Variants in TOLLIP observed in about 807,000 individuals in gnomAD.
The protein encoded by TOLLIP is toll-interacting protein.
Under a neutral mutation model 33.5 loss-of-function variants are expected in TOLLIP, and 16 were observed. The observed-to-expected ratio is 0.48, with a 90% CI of 0.32 to 0.72. The LOEUF is 0.72. TOLLIP is among the 30% of genes least tolerant of loss of function. The pLI is 0.03. For missense variants in TOLLIP, 325 were observed against 396.6 expected (o/e 0.82, Z 1.53); for synonymous variants, 176 against 163.7 (o/e 1.07, Z -0.57).
intron 1 of TOLLIP, 118 bp from the exon 2 acceptor site, chr11:1,295,912 T>C (rs1864100332): frequency 7.7e-7 from 1 of 1,291,158 alleles, no homozygotes; most frequent in Non-Finnish European, 1.0e-6. Flanking sequence ...TATCAAGTCC[T>C]GGACTGTGCT....
Position 1,303,830 on chromosome 11 carries a change from G to A in TOLLIP, c.33+5636C>T, listed in dbSNP as rs987905951. Among the ~76,000 whole-genome samples the A allele has an allele frequency of 2.6e-5, 4 of 152,322 alleles. No homozygotes were observed. Among genetic ancestry groups the A allele is most frequent in the African/African-American group, 9.6e-5 (4 of 41,574 alleles). On this transcript the variant is annotated intron_variant, in intron 1 of 5. Coordinates refer to ENST00000317204, the MANE Select transcript of TOLLIP (RefSeq NM_019009.4). The surrounding 1 kb of genome is among the most constrained non-coding windows in gnomAD (Gnocchi z 4.2). ...GTGGGCGGATCACTTGAGACCAGGA[G>A]TTCGAGAACAGCCTGGCCAACATGG...
intron 4 of TOLLIP, 115 bp downstream of exon 4, chr11:1,288,509 G>C: frequency 7.6e-7 from 1 of 1,319,504 alleles, no homozygotes; most frequent in Non-Finnish European, 1.0e-6. Flanking sequence ...GAGCCCTGCT[G>C]TTTTATGGGC....
intron 1 of TOLLIP, among the ~76,000 whole-genome samples, chr11:1,307,487 C>A (rs1179427640): frequency 6.6e-6 from 1 of 152,242 alleles, no homozygotes; most frequent in Admixed American, 6.5e-5. Context: ...GCCTGCTCAG[C>A]ACCTGATGCA....
rs569777034 is a variant in TOLLIP at position 1,290,438 on chromosome 11, A to C, written c.184-29T>G. The C allele has an allele frequency of 6.2e-7, 1 of 1,605,786 alleles. No individual in the cohort carries two copies. Among genetic ancestry groups the C allele is most frequent in the African/African-American group, 1.3e-5 (1 of 74,926 alleles). ...GAATGAAGCCAATGTCAGGAAAAGG[A>C]GGTGCCAACCATCAGGAGAGGGTGG... On this transcript the variant is annotated intron_variant, in intron 2 of 5. Coordinates refer to ENST00000317204, the MANE Select transcript of TOLLIP (RefSeq NM_019009.4). This position sits in a 1 kb window ranked among gnomAD's most constrained non-coding sequence, Gnocchi z 4.9.
chr11:1,293,570 G>A (rs1255360895), intron 2 of TOLLIP, among the ~76,000 whole-genome samples: 3 of 152,270 alleles, frequency 2.0e-5, no homozygotes, highest in Non-Finnish European at 4.4e-5. Flanking sequence ...CTGGCCCAGT[G>A]AGGAGGCAGG....
chr11:1,309,399 CT>C lies in TOLLIP; in HGVS notation c.33+66del, dbSNP rs929303958. On this transcript the variant is annotated intron_variant, in intron 1 of 5. Transcript: ENST00000317204. ...CGCCAGCCGCAGCTGAGCAGTAGCC[CT>C]GACCCAAGGCCCCGCCCGCAACCGC... 2.4e-5 allele frequency: 23 copies of C among 962,608 alleles called. No homozygotes were observed. In the Admixed American group the frequency reaches 4.0e-4, roughly 17 times the overall value. The allele number at this position is 962,608 out of a possible 1,614,324, so 59.6% of individuals were successfully genotyped here. A position where few individuals can be genotyped will look rare whatever the true frequency, so the allele number is the denominator to read the frequency against.
At chr11:1,288,566 C>T in intron 4 of TOLLIP, 58 bp downstream of exon 4, 1 of 1,551,192 alleles carries the variant, frequency 6.4e-7, no homozygotes. Context: ...GGCGGCATAG[C>T]CCCGACGTGC....
In TOLLIP at chr11:1,275,339, C is replaced by G. The variant is rs1455367678; in HGVS notation, c.*1700G>C. On this transcript the variant is annotated 3_prime_UTR_variant, in exon 6 of 6. Coordinates refer to ENST00000317204, the MANE Select transcript of TOLLIP (RefSeq NM_019009.4). ...CACCGAAGCCCCCAGCACAGTGAGGCCTCTGAGTGTGGCTTGTGGTCTGTC... is the reference window on the plus strand; with the variant it reads ...CACCGAAGCCCCCAGCACAGTGAGGGCTCTGAGTGTGGCTTGTGGTCTGTC... The G allele has an allele frequency of 6.6e-6, 1 of 152,260 alleles. No homozygotes were observed. The highest frequency in any genetic ancestry group is 1.5e-5 in the Non-Finnish European group (1 of 68,058). 9.4% of individuals were successfully genotyped at this position (152,260 alleles called of 1,614,324 possible).
chr11:1,309,276 C>T (rs1209766161), intron 1 of TOLLIP, among the ~76,000 whole-genome samples, 190 bp downstream of exon 1: 1 of 151,998 alleles, frequency 6.6e-6, no homozygotes, highest in South Asian at 2.1e-4. Context: ...AGCGTGGGCG[C>T]GTCCGTCCGG....
chr11:1,295,875 C>T (rs1231804707), intron 1 of TOLLIP, 81 bp from the exon 2 acceptor site: 2 of 1,462,594 alleles, frequency 1.4e-6, no homozygotes, highest in Non-Finnish European at 9.1e-7. Context: ...CCCGGCATTC[C>T]CGCGGCCCCG....
At chr11:1,285,569 C>A (rs557039943) in intron 5 of TOLLIP, among the ~76,000 whole-genome samples, 3 of 152,184 alleles carry the variant, frequency 2.0e-5, no homozygotes, top group Admixed American at 6.5e-5. Context: ...CCAACAGGAG[C>A]GTGAGGTTCA....
At chr11:1,296,793 G>T (rs1255071215) in intron 1 of TOLLIP, among the ~76,000 whole-genome samples, 3 of 110,574 alleles carry the variant, frequency 2.7e-5, no homozygotes, top group South Asian at 3.7e-4. Flanking sequence ...GGTGGAGTGG[G>T]GTGGAGGCCT....
intron 1 of TOLLIP, among the ~76,000 whole-genome samples, chr11:1,297,820 C>T (rs1302972393): frequency 1.3e-5 from 2 of 152,250 alleles, no homozygotes; most frequent in Admixed American, 6.5e-5. Flanking sequence ...TCTCGAGGCG[C>T]TGTACAGCTC....
intron 2 of TOLLIP, chr11:1,292,077 C>T (rs900328251): frequency 1.3e-5 from 2 of 152,244 alleles, no homozygotes; most frequent in Non-Finnish European, 2.9e-5. Flanking sequence ...CTTGGGTGGC[C>T]ACAGCGTACT....
At chr11:1,288,603 C>A (rs1863825831) in intron 4 of TOLLIP, 21 bp downstream of exon 4, 3 of 1,597,648 alleles carry the variant, frequency 1.9e-6, no homozygotes, top group African/African-American at 2.7e-5. Context: ...GCGCCCCACC[C>A]CGCCCAGGCG....
chr11:1,302,817 A>C, intron 1 of TOLLIP: 3 of 984,940 alleles, frequency 3.0e-6, no homozygotes, highest in Non-Finnish European at 3.6e-6. Flanking sequence ...CTTTGTCCCC[A>C]GTTCCCACAT....
intron 4 of TOLLIP, among the ~76,000 whole-genome samples, chr11:1,286,937 T>C (rs1018260888): frequency 2.6e-5 from 4 of 152,046 alleles, no homozygotes; most frequent in South Asian, 2.1e-4. Flanking sequence ...TGCACTGCTG[T>C]TGTCTCTGAG....
At chr11:1,291,662 G>A (rs1236396049) in intron 2 of TOLLIP, among the ~76,000 whole-genome samples, 9 of 141,134 alleles carry the variant, frequency 6.4e-5, no homozygotes, top group African/African-American at 1.1e-4. Flanking sequence ...CGGCCGCCCC[G>A]TCCTCGCTGA....
At chr11:1,301,597 T>C (rs1864280246) in intron 1 of TOLLIP, among the ~76,000 whole-genome samples, 1 of 152,108 alleles carries the variant, frequency 6.6e-6, no homozygotes, top group Non-Finnish European at 1.5e-5. Context: ...CAAGAACCCC[T>C]TGTGCCCTCT....
Sources: gnomAD v4.1 joint callset for allele counts (sites outside exome capture counted in the v4.1 genomes callset) on GRCh38, gnomAD v4.1.1 for gene constraint, Gnocchi (gnomAD v3.1) non-coding constraint, MANE v1.5 for transcripts, NCBI Gene and HGNC (gene_info 2026-07-23, HGNC 2026-07-21) for gene names.